CTLA4: variants seen among roughly 807,000 people sequenced by gnomAD.
CTLA4 encodes cytotoxic T-lymphocyte associated protein 4.
A neutral mutation model predicts 20.4 loss-of-function variants in CTLA4; 3 were observed. That is an observed-to-expected ratio of 0.15 (90% confidence interval 0.07 to 0.38). CTLA4 has a LOEUF of 0.38. Ranked by LOEUF, CTLA4 falls within the 10% of genes least tolerant of loss-of-function variation. The pLI is 1.00. For synonymous variants in CTLA4, 100 were observed against 105.2 expected (o/e 0.95, Z 0.30); for missense variants, 184 against 276.8 (o/e 0.66, Z 2.38).
Position 203,873,509 on chromosome 2 carries a change from C to T in CTLA4, c.*697C>T. 4.5e-6 allele frequency: 1 copy of T among 220,774 alleles called. No homozygotes were observed. Among genetic ancestry groups the T allele is most frequent in the Non-Finnish European group, 9.0e-6 (1 of 111,094 alleles). The allele number at this position is 220,774 out of a possible 1,614,324, so 13.7% of individuals were successfully genotyped here. A position where few individuals can be genotyped will look rare whatever the true frequency, so the allele number is the denominator to read the frequency against. Reference sequence around the variant, plus strand: ...CCCAGGGAAGTTTTGTGGAGGAGCTCAGGACACTAATACACCAGGTAGAAC... The same window carrying T: ...CCCAGGGAAGTTTTGTGGAGGAGCTTAGGACACTAATACACCAGGTAGAAC... On this transcript the variant is annotated 3_prime_UTR_variant, in exon 4 of 4. Transcript: ENST00000648405.
Position 203,867,973 on chromosome 2 carries a change from G to C in CTLA4, c.31G>C (p.Ala11Pro). The C allele has an allele frequency of 6.2e-7, 1 of 1,614,128 alleles. No homozygotes were observed. The highest frequency in any genetic ancestry group is 8.5e-7 in the Non-Finnish European group (1 of 1,179,994). Residue 11 changes from alanine (A) to proline (P), a missense_variant, in exon 1 of 4, where the codon GCT becomes CCT. Transcript: ENST00000648405. ...TTGCCTTGGATTTCAGCGGCACAAGGCTCAGCTGAACCTGGCTACCAGGAC... is the reference window on the plus strand; with the variant it reads ...TTGCCTTGGATTTCAGCGGCACAAGCCTCAGCTGAACCTGGCTACCAGGAC... MACLGFQRHK[A>P]QLNLATRTWP...
rs747155841 is a variant in CTLA4, at chr2:203,872,803, C to T, written c.663C>T (p.Pro221=). The change falls in exon 4 of 4, where the codon CCC becomes CCT. Residue 221 remains proline, a synonymous_variant. Coordinates refer to ENST00000648405, the MANE Select transcript of CTLA4 (RefSeq NM_005214.5). ...AGCAATTTCAGCCTTATTTTATTCCCATCAATTGAGAAACCATTATGAAGA... is the reference window on the plus strand; with the variant it reads ...AGCAATTTCAGCCTTATTTTATTCCTATCAATTGAGAAACCATTATGAAGA... ...CEKQFQPYFI[P]IN is the part of the protein sequence containing the mutation. 5 of 1,600,068 alleles carry T rather than the reference C, an allele frequency of 3.1e-6. 1 individual carries two copies. In the South Asian group the frequency reaches 5.5e-5, roughly 18 times the overall value.
In CTLA4 at chr2:203,873,362, ATATATATATATATATATATATT is replaced by A. The variant is rs1389071279; in HGVS notation, c.*552_*573del. On this transcript the variant is annotated 3_prime_UTR_variant, in exon 4 of 4. Transcript: ENST00000648405. The stretch of plus-strand genomic sequence containing the variant: ...TATATATATATATATATATATATAT[ATATATATATATATATATATATT>A]TTAATTTGATAGTATTGTGCATAGA... 1.6e-4 allele frequency: 4 copies of A among 25,612 alleles called. No individual in the cohort carries two copies. The highest frequency in any genetic ancestry group is 3.8e-4 in the African/African-American group (4 of 10,496). The allele number at this position is 25,612 out of a possible 1,614,324, so 1.6% of individuals were successfully genotyped here.
rs1358417066 is a variant in CTLA4, at chr2:203,873,543, A to G, written c.*731A>G. ...AATACACCAGGTAGAACACAAGGTCATTTGCTAACTAGCTTGGAAACTGGA... is the reference window on the plus strand; with the variant it reads ...AATACACCAGGTAGAACACAAGGTCGTTTGCTAACTAGCTTGGAAACTGGA... On this transcript the variant is annotated 3_prime_UTR_variant, in exon 4 of 4. Coordinates refer to ENST00000648405, the MANE Select transcript of CTLA4 (RefSeq NM_005214.5). The G allele has an allele frequency of 4.6e-6, 1 of 218,246 alleles. No individual in the cohort carries two copies. The highest frequency in any genetic ancestry group is 9.2e-6 in the Non-Finnish European group (1 of 109,170). 13.5% of individuals were successfully genotyped at this position (218,246 alleles called of 1,614,324 possible).
chr2:203,868,616 C>T (rs1013103687), intron 1 of CTLA4, among the ~76,000 whole-genome samples: 3 of 151,702 alleles, frequency 2.0e-5, no homozygotes, highest in African/African-American at 7.3e-5. Context: ...ATTCTACTAG[C>T]TAATTAGCCA....
chr2:203,873,207 T>C lies in CTLA4; in HGVS notation c.*395T>C. 2.5e-6 allele frequency: 1 copy of C among 403,410 alleles called. No individual in the cohort carries two copies. The highest frequency in any genetic ancestry group is 3.5e-5 in the East Asian group (1 of 28,326). 25.0% of individuals were successfully genotyped at this position (403,410 alleles called of 1,614,324 possible). On this transcript the variant is annotated 3_prime_UTR_variant, in exon 4 of 4. Transcript: ENST00000648405. ...GAGACGTTTATAGCCGAAATGATCT[T>C]TTCAAGTTAAATTTTATGCCTTTTA... is the stretch of plus-strand genomic sequence containing the variant.
intron 1 of CTLA4, among the ~76,000 whole-genome samples, chr2:203,869,674 A>G (rs1202345364): frequency 2.6e-5 from 4 of 152,192 alleles, no homozygotes; most frequent in Admixed American, 2.6e-4. Flanking sequence ...ACAAGTTTTG[A>G]GTTTCACTTG....
Position 203,870,189 on chromosome 2 carries a change from C to CTG in CTLA4, c.110-397_110-396insTG, listed in dbSNP as rs1297671328. On this transcript the variant is annotated intron_variant, in intron 1 of 3. Coordinates refer to ENST00000648405, the MANE Select transcript of CTLA4 (RefSeq NM_005214.5). This position sits in a 1 kb window ranked among gnomAD's most constrained non-coding sequence, Gnocchi z 5.3. Reference sequence around the variant, plus strand: ...AGCTATATAGCTCCTATCATTCTATCATAACCTTAGAATACCAGAGAACAT... The same window carrying CTG: ...AGCTATATAGCTCCTATCATTCTATCTGATAACCTTAGAATACCAGAGAACAT... 14 of 234,110 alleles carry CTG rather than the reference C, an allele frequency of 6.0e-5. No individual in the cohort carries two copies. Among genetic ancestry groups the CTG allele is most frequent in the African/African-American group, 2.9e-4 (13 of 44,406 alleles). The allele number at this position is 234,110 out of a possible 1,614,324, so 14.5% of individuals were successfully genotyped here.
intron 1 of CTLA4, among the ~76,000 whole-genome samples, chr2:203,869,620 G>A (rs967784060): frequency 2.6e-5 from 4 of 152,226 alleles, no homozygotes; most frequent in African/African-American, 7.2e-5. Flanking sequence ...ATCAGTGTTA[G>A]TAAAGTGTCA....
chr2:203,868,062 C>CT lies in CTLA4; in HGVS notation c.109+15dup. The CT allele has an allele frequency of 1.9e-6, 3 of 1,589,406 alleles. No homozygotes were observed. Among genetic ancestry groups the CT allele is most frequent in the Non-Finnish European group, 2.6e-6 (3 of 1,157,590 alleles). On this transcript the variant is annotated intron_variant, in intron 1 of 3. Transcript: ENST00000648405. ...CTGTCTTCTGCAAAGGTGAGTGAGA[C>CT]TTTTGGAGCATGAAGATGGAGGAGG...
rs1414870740 is a variant in CTLA4, at chr2:203,870,161, C to T, written c.110-425C>T. 2.8e-5 allele frequency: 5 copies of T among 176,196 alleles called. No individual in the cohort carries two copies. Among genetic ancestry groups the T allele is most frequent in the Admixed American group, 1.1e-4 (2 of 18,074 alleles). 10.9% of individuals were successfully genotyped at this position (176,196 alleles called of 1,614,324 possible). A position where few individuals can be genotyped will look rare whatever the true frequency, so the allele number is the denominator to read the frequency against. On this transcript the variant is annotated intron_variant, in intron 1 of 3. Transcript: ENST00000648405. The surrounding 1 kb of genome is among the most constrained non-coding windows in gnomAD (Gnocchi z 5.3). ...TTTCCCCTACCACTCATTATAGTTCCGGAGCTATATAGCTCCTATCATTCT... is the reference window on the plus strand; with the variant it reads ...TTTCCCCTACCACTCATTATAGTTCTGGAGCTATATAGCTCCTATCATTCT...
chr2:203,869,992 C>T (rs1384716597), intron 1 of CTLA4, among the ~76,000 whole-genome samples: 4 of 152,124 alleles, frequency 2.6e-5, no homozygotes, highest in African/African-American at 9.7e-5. Context: ...ACAACAATGC[C>T]AGGGAAGGCG....
In CTLA4 at chr2:203,873,524, C is replaced by T. The variant is rs1328358175; in HGVS notation, c.*712C>T. On this transcript the variant is annotated 3_prime_UTR_variant, in exon 4 of 4. Transcript: ENST00000648405. ...TGGAGGAGCTCAGGACACTAATACA[C>T]CAGGTAGAACACAAGGTCATTTGCT... 1 of 220,302 alleles carries T rather than the reference C, an allele frequency of 4.5e-6. No individual in the cohort carries two copies. The highest frequency in any genetic ancestry group is 6.8e-5 in the East Asian group (1 of 14,788). The allele number at this position is 220,302 out of a possible 1,614,324, so 13.6% of individuals were successfully genotyped here.
chr2:203,871,125 A>G (rs979047751), intron 2 of CTLA4, among the ~76,000 whole-genome samples, 192 bp downstream of exon 2: 1 of 152,196 alleles, frequency 6.6e-6, no homozygotes, highest in East Asian at 1.9e-4. Flanking sequence ...GTAAAATAAA[A>G]TGATTTGGGG....
rs1322955685 is a variant in CTLA4 at position 203,870,553 on chromosome 2, T to C, written c.110-33T>C. ...GGGCTTGGCCATGAAGGAGCATGAG[T>C]TCACTGAGTTCCCTTTGGCTTTTCC... On this transcript the variant is annotated intron_variant, in intron 1 of 3. Coordinates refer to ENST00000648405, the MANE Select transcript of CTLA4 (RefSeq NM_005214.5). The surrounding 1 kb of genome is among the most constrained non-coding windows in gnomAD (Gnocchi z 5.3). 4 of 1,601,692 alleles carry C rather than the reference T, an allele frequency of 2.5e-6. No individual in the cohort carries two copies. The highest frequency in any genetic ancestry group is 3.4e-6 in the Non-Finnish European group (4 of 1,171,964).
rs1440286766 is a variant in CTLA4, at chr2:203,872,721, G to A, written c.581G>A (p.Ser194Asn). Residue 194 changes from serine to asparagine, a missense_variant, in exon 4 of 4, where the codon AGC becomes AAC. Coordinates refer to ENST00000648405, the MANE Select transcript of CTLA4 (RefSeq NM_005214.5). Reference sequence around the variant, plus strand: ...TGTGTTTGACAGCTAAAGAAAAGAAGCCCTCTTACAACAGGGGTCTATGTG... The same window carrying A: ...TGTGTTTGACAGCTAAAGAAAAGAAACCCTCTTACAACAGGGGTCTATGTG... ...VSLSKMLKKR[S>N]PLTTGVYVKM... is the part of the protein sequence containing the mutation. The A allele has an allele frequency of 6.2e-6, 10 of 1,608,324 alleles. No individual in the cohort carries two copies. The highest frequency in any genetic ancestry group is 8.5e-6 in the Non-Finnish European group (10 of 1,174,998).
In CTLA4 at chr2:203,871,478, G is replaced by C; in HGVS notation, c.558G>C (p.Leu186Phe). The C allele has an allele frequency of 6.2e-7, 1 of 1,612,556 alleles. No homozygotes were observed. The highest frequency in any genetic ancestry group is 1.1e-5 in the South Asian group (1 of 91,034). ...GCTTTCTCCTCACAGCTGTTTCTTT[G>C]AGCAAAATGGTGAGTGTGGTGCTGA... ...FYSFLLTAVS[L>F]SKMLKKRSPL... Residue 186 changes from leucine to phenylalanine, a missense_variant, in exon 3 of 4, where the codon TTG becomes TTC. Leu to Phe is a conservative substitution (Grantham distance 22, BLOSUM62 0). Coordinates refer to ENST00000648405, the MANE Select transcript of CTLA4 (RefSeq NM_005214.5).
At chr2:203,868,083 G>A (rs372230996) in intron 1 of CTLA4, 32 bp downstream of exon 1, 1 of 1,506,586 alleles carries the variant, frequency 6.6e-7, no homozygotes, top group East Asian at 2.3e-5. Flanking sequence ...TGAAGATGGA[G>A]GAGGTGTTTC....
Position 203,872,753 on chromosome 2 carries a change from C to G in CTLA4, c.613C>G (p.Pro205Ala), listed in dbSNP as rs1205829960. ...PLTTGVYVKM[P>A]PTEPECEKQF... ...TACAACAGGGGTCTATGTGAAAATG[C>G]CCCCAACAGAGCCAGAATGTGAAAA... The change falls in exon 4 of 4, where the codon CCC becomes GCC. Residue 205 changes from proline to alanine, a missense_variant. Pro to Ala is a conservative substitution (Grantham distance 27). Transcript: ENST00000648405. 1.2e-6 allele frequency: 2 copies of G among 1,613,104 alleles called. No homozygotes were observed. Among genetic ancestry groups the G allele is most frequent in the Non-Finnish European group, 1.7e-6 (2 of 1,179,230 alleles).
Sources: gnomAD v4.1 joint callset for allele counts (sites outside exome capture counted in the v4.1 genomes callset) on GRCh38, gnomAD v4.1.1 for gene constraint, Gnocchi (gnomAD v3.1) non-coding constraint, MANE v1.5 for transcripts, NCBI Gene and HGNC (gene_info 2026-07-23, HGNC 2026-07-21) for gene names.